TASP1: variants seen among roughly 807,000 people sequenced by gnomAD.
The protein encoded by TASP1 is threonine aspartase 1.
A neutral mutation model predicts 56.6 loss-of-function variants in TASP1; 16 were observed. That is an observed-to-expected ratio of 0.28 (90% CI 0.19 to 0.43). TASP1 has a LOEUF of 0.43. TASP1 is among the 20% of genes least tolerant of loss of function. The pLI is 1.00. For missense variants in TASP1, 393 were observed against 511.6 expected (o/e 0.77, Z 2.24); for synonymous variants, 179 against 184.2 (o/e 0.97, Z 0.23).
At chr20:13,292,653 C>T in the TASP1 span, among the ~76,000 whole-genome samples, 1 of 152,220 alleles carries the variant, frequency 6.6e-6, no homozygotes, top group Non-Finnish European at 1.5e-5. Flanking sequence ...CCTCCTCCAC[C>T]GGACCGAGCG....
chr20:13,569,148 C>T (rs2046631285), intron 7 of TASP1, among the ~76,000 whole-genome samples: 1 of 152,016 alleles, frequency 6.6e-6, no homozygotes, highest in Non-Finnish European at 1.5e-5. Context: ...AAAAGTCCTT[C>T]CCTCAGCTCA....
the TASP1 span, among the ~76,000 whole-genome samples, chr20:13,127,099 A>G: frequency 2.0e-5 from 3 of 152,268 alleles, no homozygotes; most frequent in African/African-American, 7.2e-5. Context: ...CAATTTTTCA[A>G]TCCTTTTATT....
chr20:13,479,056 A>T (rs2043042151), intron 11 of TASP1, among the ~76,000 whole-genome samples: 1 of 152,298 alleles, frequency 6.6e-6, no homozygotes, highest in Non-Finnish European at 1.5e-5. Context: ...TATAATTTTT[A>T]AAATGATGGA....
intron 5 of TASP1, among the ~76,000 whole-genome samples, chr20:13,585,846 C>T (rs187795447): frequency 4.3e-4 from 65 of 152,234 alleles, no homozygotes; most frequent in African/African-American, 1.5e-3. Context: ...TAAAGAAGTA[C>T]ATACGTGGCC....
intron 10 of TASP1, among the ~76,000 whole-genome samples, chr20:13,520,144 C>T (rs557385721): frequency 7.9e-5 from 12 of 152,182 alleles, no homozygotes; most frequent in Non-Finnish European, 1.8e-4. Flanking sequence ...AATGAAAGAA[C>T]ATTCCATGCT....
chr20:13,388,789 G>T (rs1227229136), downstream of TASP1, among the ~76,000 whole-genome samples: 1 of 152,190 alleles, frequency 6.6e-6, no homozygotes, highest in East Asian at 1.9e-4. Flanking sequence ...TGAGAGCACA[G>T]CAAGACAAAT....
At chr20:13,566,372 T>C (rs1310696250) in intron 7 of TASP1, among the ~76,000 whole-genome samples, 1 of 152,008 alleles carries the variant, frequency 6.6e-6, no homozygotes, top group Non-Finnish European at 1.5e-5. Flanking sequence ...ACAAAAAAAG[T>C]ACAAGAATGT....
the TASP1 span, among the ~76,000 whole-genome samples, chr20:13,252,402 G>T: frequency 6.6e-6 from 1 of 152,178 alleles, no homozygotes; most frequent in African/African-American, 2.4e-5. Flanking sequence ...TATCCTTGCT[G>T]ATGGGTTCAT....
intron 7 of TASP1, among the ~76,000 whole-genome samples, chr20:13,560,167 T>G (rs917285964): frequency 6.6e-6 from 1 of 152,140 alleles, no homozygotes; most frequent in Non-Finnish European, 1.5e-5. Flanking sequence ...AATTACAAAC[T>G]GGAACATAAC....
chr20:13,483,650 T>C (rs889292461), intron 10 of TASP1, among the ~76,000 whole-genome samples: 1 of 152,218 alleles, frequency 6.6e-6, no homozygotes, highest in Non-Finnish European at 1.5e-5. Flanking sequence ...AAATATTATG[T>C]GTAATTGTTA....
chr20:13,137,774 A>T, the TASP1 span, among the ~76,000 whole-genome samples: 6 of 152,310 alleles, frequency 3.9e-5, no homozygotes, highest in African/African-American at 1.4e-4. Flanking sequence ...AAAGAAAGCA[A>T]TCCAGGCCTT....
At chr20:13,480,171 T>C (rs1161090281) in intron 11 of TASP1, among the ~76,000 whole-genome samples, 3 of 152,182 alleles carry the variant, frequency 2.0e-5, no homozygotes, top group Non-Finnish European at 4.4e-5. Flanking sequence ...AGATACGACA[T>C]AGACAGTAGC....
At chr20:13,319,145 C>T in the TASP1 span, among the ~76,000 whole-genome samples, 1 of 152,066 alleles carries the variant, frequency 6.6e-6, no homozygotes, top group Non-Finnish European at 1.5e-5. Flanking sequence ...AATCTCTGTT[C>T]CTTCTGTTCA....
intron 12 of TASP1, among the ~76,000 whole-genome samples, chr20:13,419,129 A>G (rs1429106603): frequency 6.6e-6 from 1 of 152,212 alleles, no homozygotes; most frequent in Non-Finnish European, 1.5e-5. Flanking sequence ...GACTTTGATA[A>G]CTGTACTGTG....
chr20:13,281,283 T>G, the TASP1 span, among the ~76,000 whole-genome samples: 2 of 152,160 alleles, frequency 1.3e-5, no homozygotes, highest in African/African-American at 4.8e-5. Context: ...GGTAGAGATG[T>G]ACATCAAATG....
intron 10 of TASP1, among the ~76,000 whole-genome samples, chr20:13,508,209 A>T (rs1242659678): frequency 6.6e-6 from 1 of 151,882 alleles, no homozygotes; most frequent in Non-Finnish European, 1.5e-5. Flanking sequence ...TTTTGATATG[A>T]CAACAAAAGC....
chr20:13,515,563 A>C (rs901447508), intron 10 of TASP1, among the ~76,000 whole-genome samples: 7 of 138,152 alleles, frequency 5.1e-5, no homozygotes, highest in South Asian at 2.2e-4. Flanking sequence ...AAAAAAAAAA[A>C]AAAAAAAACT....
chr20:13,563,725 G>T (rs2046424888), intron 7 of TASP1, among the ~76,000 whole-genome samples: 1 of 147,404 alleles, frequency 6.8e-6, no homozygotes, highest in Non-Finnish European at 1.5e-5. Flanking sequence ...GGCTGGTCTT[G>T]AACTTCTGGC....
intron 12 of TASP1, among the ~76,000 whole-genome samples, chr20:13,419,506 C>A (rs892095791): frequency 1.3e-5 from 2 of 152,192 alleles, no homozygotes; most frequent in African/African-American, 2.4e-5. Flanking sequence ...CAGTACACAG[C>A]ATCAAAATTC....
Sources: gnomAD v4.1 joint callset for allele counts (sites outside exome capture counted in the v4.1 genomes callset) on GRCh38, gnomAD v4.1.1 for gene constraint, MANE v1.5 for transcripts, NCBI Gene and HGNC (gene_info 2026-07-23, HGNC 2026-07-21) for gene names.